SGO1: variants seen among roughly 807,000 people sequenced by gnomAD.
The protein encoded by SGO1 is serologically defined breast cancer antigen NY-BR-85.
SGO1 carries 39 observed loss-of-function variants against 50.5 expected under a neutral mutation model. The ratio of observed to expected loss-of-function variants is 0.77; its 90% confidence interval spans 0.60 to 1.01. The LOEUF (loss-of-function observed/expected upper bound fraction) is 1.01. SGO1 is among the 50% of genes least tolerant of loss of function. The probability of loss-of-function intolerance (pLI) is 0.00; values close to 1 mark genes in which losing one functional copy is unlikely to be tolerated. For missense variants in SGO1, 638 were observed against 606.0 expected (o/e 1.05, Z -0.55); for synonymous variants, 191 against 205.1 (o/e 0.93, Z 0.59).
chr3:20,164,637 T>C (rs1700201540), downstream of SGO1, among the ~76,000 whole-genome samples: 1 of 152,038 alleles, frequency 6.6e-6, no homozygotes, highest in Non-Finnish European at 1.5e-5. Context: ...TAAATTGTCT[T>C]TACGTGCAGA....
intron 6 of SGO1, among the ~76,000 whole-genome samples, chr3:20,173,047 T>A (rs150625171): frequency 1.3e-5 from 2 of 152,028 alleles, no homozygotes; most frequent in Non-Finnish European, 2.9e-5. Flanking sequence ...AATAACAGTA[T>A]AATAAACTCT....
At chr3:20,182,007 C>G (rs1311322869) in intron 3 of SGO1, among the ~76,000 whole-genome samples, 1 of 151,820 alleles carries the variant, frequency 6.6e-6, no homozygotes, top group Non-Finnish European at 1.5e-5. Context: ...CACTTGAACC[C>G]AGGAGGCAGG....
At chr3:20,168,840 C>T (rs1438340562), downstream of SGO1, 4 of 526,708 alleles carry the variant, frequency 7.6e-6, no homozygotes, top group Non-Finnish European at 9.7e-6. Flanking sequence ...CCGTATTAGC[C>T]AGGATGGTCT....
upstream of SGO1, chr3:20,186,716 T>C (rs1415303250): frequency 6.6e-6 from 1 of 152,246 alleles, no homozygotes; most frequent in Non-Finnish European, 1.5e-5. Flanking sequence ...CTTTGCCGGC[T>C]ATCTCTGGCT....
intron 3 of SGO1, among the ~76,000 whole-genome samples, chr3:20,181,101 G>A (rs1431335155): frequency 1.3e-5 from 2 of 152,196 alleles, no homozygotes; most frequent in East Asian, 3.8e-4. Flanking sequence ...AGGCTGCAGA[G>A]AGCTGTGATC....
rs749057920 is a variant in SGO1 at position 20,183,974 on chromosome 3, T to G, written c.54A>C (p.Ile18=). The G allele has an allele frequency of 6.2e-7, 1 of 1,612,614 alleles. No individual in the cohort carries two copies. Among genetic ancestry groups the G allele is most frequent in the South Asian group, 1.1e-5 (1 of 90,540 alleles). The change falls in exon 2 of 8, where the codon ATA becomes ATC. Residue 18 remains isoleucine (I), a synonymous_variant. Transcript: ENST00000412997. The part of the protein sequence containing the change: ...KKSFQDSLED[I]KKRMKEKRNK... ...TCCTTTTCTCTTTCATTCGCTTCTT[T>G]ATGTCTTCAAGACTATCTTGAAAGG...
downstream of SGO1, chr3:20,169,190 G>A: frequency 5.1e-6 from 5 of 985,320 alleles, no homozygotes; most frequent in South Asian, 2.3e-4. Flanking sequence ...GAAAATCTGA[G>A]ATATCAGGAT....
rs765697604 is a variant in SGO1 at position 20,183,942 on chromosome 3, T to C, written c.86A>G (p.Asn29Ser). ...KKRMKEKRNK[N>S]LAEIGKRRSF... Reference sequence around the variant, plus strand: ...CCTGCGTTTGCCAATCTCTGCCAAGTTTTTATTCCTTTTCTCTTTCATTCG... The same window carrying C: ...CCTGCGTTTGCCAATCTCTGCCAAGCTTTTATTCCTTTTCTCTTTCATTCG... The change falls in exon 2 of 8, where the codon AAC becomes AGC. Residue 29 changes from asparagine (N) to serine (S), a missense_variant. Coordinates refer to ENST00000412997, the MANE Select transcript of SGO1 (RefSeq NM_001199251.3). 2 of 1,612,750 alleles carry C rather than the reference T, an allele frequency of 1.2e-6. No individual in the cohort carries two copies. The highest frequency in any genetic ancestry group is 1.7e-6 in the Non-Finnish European group (2 of 1,179,658).
chr3:20,164,248 T>A (rs1484092456), intron 8 of SGO1, among the ~76,000 whole-genome samples: 3 of 152,166 alleles, frequency 2.0e-5, no homozygotes, highest in Non-Finnish European at 4.4e-5. Context: ...AGTGATGGAT[T>A]TATCCCATTA....
At chr3:20,180,687 G>C (rs930623963) in intron 3 of SGO1, among the ~76,000 whole-genome samples, 3 of 152,148 alleles carry the variant, frequency 2.0e-5, no homozygotes, top group Non-Finnish European at 4.4e-5. Flanking sequence ...GCAGATCTCT[G>C]TTATGAAGAT....
chr3:20,171,827 G>A (rs1196057180), intron 6 of SGO1, among the ~76,000 whole-genome samples: 1 of 152,200 alleles, frequency 6.6e-6, no homozygotes, highest in African/African-American at 2.4e-5. Context: ...AAGCTAGCAT[G>A]TAAAAAAGTT....
chr3:20,176,629 TG>T lies in SGO1; in HGVS notation c.446del (p.Pro149GlnfsTer9), dbSNP rs760554920. The T allele has an allele frequency of 6.4e-7, 1 of 1,565,498 alleles. No individual in the cohort carries two copies. The highest frequency in any genetic ancestry group is 1.3e-5 in the South Asian group (1 of 79,932). The part of the protein sequence containing the change: ...PQIPLEETEL[P>X]GQGESFQIED... The stretch of plus-strand genomic sequence containing the variant: ...CTATTTGAAATGATTCTCCTTGTCC[TG>T]GAAGTTCAGTTTCTTCAAGAGGAAT... On this transcript the variant is annotated frameshift_variant, in exon 5 of 8. Transcript: ENST00000412997. LOFTEE classifies it high-confidence loss of function.
exon 9 of SGO1, chr3:20,161,117 G>A (rs764389504): frequency 6.2e-7 from 1 of 1,613,910 alleles, no homozygotes; most frequent in South Asian, 1.1e-5. Flanking sequence ...ACCTCAAGCA[G>A]ATGTGGGTTT....
In SGO1 at chr3:20,171,143, G is replaced by C. The variant is rs1195563501; in HGVS notation, c.1372C>G (p.Leu458Val). The change falls in exon 7 of 8, where the codon CTT becomes GTT. Residue 458 changes from leucine (L) to valine (V), a missense_variant. Transcript: ENST00000412997. ...SLYPVVKIRR[L>V]SLSPKKNKAS... ...TTATTCTTTTTTGGAGAAAGAGAAAGTCTTCTGATTTTCACAACAGGATAC... is the reference window on the plus strand; with the variant it reads ...TTATTCTTTTTTGGAGAAAGAGAAACTCTTCTGATTTTCACAACAGGATAC... 6.2e-7 allele frequency: 1 copy of C among 1,613,136 alleles called. No individual in the cohort carries two copies. The highest frequency in any genetic ancestry group is 1.1e-5 in the South Asian group (1 of 91,012).
chr3:20,183,162 T>C (rs1037912713), intron 3 of SGO1, among the ~76,000 whole-genome samples: 1 of 152,174 alleles, frequency 6.6e-6, no homozygotes, highest in African/African-American at 2.4e-5. Context: ...TAAAGGTAGT[T>C]CTTATAAAAC....
Position 20,174,296 on chromosome 3 carries a change from G to A in SGO1, c.1235C>T (p.Thr412Ile), listed in dbSNP as rs1437032751. ...AGAACCCTCCGTCTCTTTTTCATCT[G>A]TGTATTTCAGTGCTCTTTTAGCTAG... ...RPLAKRALKY[T>I]DEKETEGSKP... Residue 412 changes from threonine to isoleucine, a missense_variant, in exon 6 of 8, where the codon ACA (threonine) becomes ATA (isoleucine). Transcript: ENST00000412997. 6.2e-7 allele frequency: 1 copy of A among 1,614,152 alleles called. No individual in the cohort carries two copies. The highest frequency in any genetic ancestry group is 2.2e-5 in the East Asian group (1 of 44,878).
chr3:20,180,507 G>A (rs896608364), intron 3 of SGO1, among the ~76,000 whole-genome samples: 26 of 152,248 alleles, frequency 1.7e-4, no homozygotes, highest in African/African-American at 5.5e-4. Flanking sequence ...GGGATATATA[G>A]AAGAGAGAAC....
downstream of SGO1, among the ~76,000 whole-genome samples, chr3:20,164,681 A>C (rs957363574): frequency 2.0e-5 from 3 of 152,182 alleles, no homozygotes; most frequent in African/African-American, 7.2e-5. Context: ...AAAAAATCCT[A>C]ATGGAACTGC....
At chr3:20,174,207 T>A (rs768939729) in intron 6 of SGO1, 42 bp downstream of exon 6, 16 of 1,460,436 alleles carry the variant, frequency 1.1e-5, no homozygotes, top group Middle Eastern at 1.8e-4. Context: ...TGATCATTTA[T>A]CACGAACATT....
Sources: allele counts gnomAD v4.1 joint callset (sites outside exome capture counted in the v4.1 genomes callset), GRCh38; gene constraint gnomAD v4.1.1; transcripts MANE v1.5; gene names NCBI Gene and HGNC (gene_info 2026-07-23, HGNC 2026-07-21).